Variants in WDR47 observed in about 807,000 individuals in gnomAD.
The protein encoded by WDR47 is WD repeat domain 47, also known as WD repeat-containing protein 47.
WDR47 carries 32 observed loss-of-function variants against 97.2 expected under a neutral mutation model. That is an observed-to-expected ratio of 0.33 (90% CI 0.25 to 0.44). The LOEUF (loss-of-function observed/expected upper bound fraction) is 0.44. Ranked by LOEUF, WDR47 falls within the 20% of genes least tolerant of loss-of-function variation. The pLI, the probability that WDR47 is intolerant of heterozygous loss-of-function variation, is 1.00. For missense variants in WDR47, 782 were observed against 1,102.3 expected, an observed-to-expected ratio of 0.71 and a Z score of 4.11; for synonymous variants, 375 against 373.5, an observed-to-expected ratio of 1.00 and a Z score of -0.05.
At chr1:108,979,481 C>T (rs531646689) in intron 13 of WDR47, among the ~76,000 whole-genome samples, 187 of 151,860 alleles carry the variant, frequency 1.2e-3, no homozygotes, top group Non-Finnish European at 2.1e-3. Flanking sequence ...GCCATGACTG[C>T]GACACTGCAT....
intron 5 of WDR47, among the ~76,000 whole-genome samples, chr1:109,006,223 CG>C (rs1660604247): frequency 1.3e-5 from 2 of 152,032 alleles, no homozygotes; most frequent in Non-Finnish European, 2.9e-5. Flanking sequence ...GGAAAAACCC[CG>C]TCTCTACTAA....
Position 109,010,970 on chromosome 1 carries a change from C to A in WDR47, c.1076G>T (p.Ser359Ile), listed in dbSNP as rs746099496. Residue 359 changes from serine to isoleucine, a missense_variant, in exon 5 of 15, where the codon AGT becomes ATT. Transcript: ENST00000369962. Reference protein sequence around the residue: ...HYPGVQNLSRSLMLENTECHS... With the variant: ...HYPGVQNLSRILMLENTECHS... Reference sequence around the variant, plus strand: ...ACATTCTGTATTCTCAAGCATGAGACTTCTACTGAGGTTTTGTACCCCTGG... The same window carrying A: ...ACATTCTGTATTCTCAAGCATGAGAATTCTACTGAGGTTTTGTACCCCTGG... The A allele has an allele frequency of 6.2e-7, 1 of 1,613,980 alleles. No homozygotes were observed. The highest frequency in any genetic ancestry group is 8.5e-7 in the Non-Finnish European group (1 of 1,180,026).
intron 13 of WDR47, among the ~76,000 whole-genome samples, chr1:108,977,904 A>G (rs796670153): frequency 3.9e-5 from 6 of 151,906 alleles, no homozygotes; most frequent in African/African-American, 1.4e-4. Context: ...GAATCACTTG[A>G]ACCTGGGAGA....
chr1:109,036,634 A>G (rs1186996663), intron 1 of WDR47, among the ~76,000 whole-genome samples: 5 of 151,782 alleles, frequency 3.3e-5, no homozygotes, highest in Non-Finnish European at 7.4e-5. Flanking sequence ...CAGCAGATCG[A>G]GACCATCCTG....
intron 2 of WDR47, among the ~76,000 whole-genome samples, chr1:109,018,392 C>T (rs1217937905): frequency 2.0e-5 from 3 of 149,934 alleles, no homozygotes; most frequent in Non-Finnish European, 3.0e-5. Context: ...GCCAAGATCA[C>T]GCCACTGCAC....
At chr1:108,982,559 G>A in intron 12 of WDR47, 50 bp downstream of exon 12, 1 of 1,537,902 alleles carries the variant, frequency 6.5e-7, no homozygotes, top group South Asian at 1.3e-5. Context: ...GGAAAAAAAA[G>A]CACAGATTGA....
At chr1:108,987,872 T>A (rs1444626184) in intron 9 of WDR47, among the ~76,000 whole-genome samples, 1 of 152,110 alleles carries the variant, frequency 6.6e-6, no homozygotes, top group Non-Finnish European at 1.5e-5. Flanking sequence ...CTATTTTTCA[T>A]TACTCATTGC....
chr1:108,971,616 T>C (rs759273902), intron 14 of WDR47, 44 bp from the exon 15 acceptor site: 2 of 1,607,790 alleles, frequency 1.2e-6, no homozygotes, highest in Admixed American at 1.7e-5. Flanking sequence ...AAAATAAGTA[T>C]ATGTATAGAT....
chr1:109,038,397 A>G (rs1225245888), intron 1 of WDR47, among the ~76,000 whole-genome samples: 1 of 152,200 alleles, frequency 6.6e-6, no homozygotes, highest in Non-Finnish European at 1.5e-5. Context: ...AAAAATATCG[A>G]GCCAGGTGCA....
At chr1:109,000,811 T>C (rs1660129573) in intron 7 of WDR47, among the ~76,000 whole-genome samples, 1 of 152,310 alleles carries the variant, frequency 6.6e-6, no homozygotes, top group Non-Finnish European at 1.5e-5. Flanking sequence ...ACTTCCAATA[T>C]TGTTGAATCA....
intron 10 of WDR47, 122 bp from the exon 11 acceptor site, chr1:108,983,573 A>T: frequency 1.3e-6 from 1 of 784,062 alleles, no homozygotes. Context: ...CAGCTTATTA[A>T]TAGTTTTCAA....
intron 13 of WDR47, among the ~76,000 whole-genome samples, chr1:108,977,041 C>T (rs188636317): frequency 1.1e-3 from 165 of 152,248 alleles, no homozygotes; most frequent in African/African-American, 3.8e-3. Context: ...AAAGGGAGCA[C>T]AAGTGAAAGT....
intron 5 of WDR47, among the ~76,000 whole-genome samples, chr1:109,006,642 A>C (rs1043973315): frequency 6.6e-6 from 1 of 152,242 alleles, no homozygotes; most frequent in East Asian, 1.9e-4. Flanking sequence ...TTTCACAAAG[A>C]GGTAACAGAC....
At chr1:108,990,091 G>A (rs1417211254) in intron 9 of WDR47, among the ~76,000 whole-genome samples, 1 of 152,122 alleles carries the variant, frequency 6.6e-6, no homozygotes, top group Non-Finnish European at 1.5e-5. Flanking sequence ...GTCAGGTGCA[G>A]TGCCTCCCAC....
chr1:109,017,661 GCAGAA>G (rs1661518011), intron 2 of WDR47, 60 bp from the exon 3 acceptor site: 1 of 1,327,946 alleles, frequency 7.5e-7, no homozygotes, highest in East Asian at 2.3e-5. Flanking sequence ...CTAATTAAAA[GCAGAA>G]CAGATGACAA....
At chr1:108,978,362 C>T (rs1013034041) in intron 13 of WDR47, among the ~76,000 whole-genome samples, 10 of 151,844 alleles carry the variant, frequency 6.6e-5, no homozygotes, top group African/African-American at 2.4e-4. Flanking sequence ...GCCTGTAGTC[C>T]CAGCTACTCA....
intron 9 of WDR47, among the ~76,000 whole-genome samples, chr1:108,988,080 A>G (rs1193770466): frequency 8.0e-6 from 1 of 124,460 alleles, no homozygotes; most frequent in Non-Finnish European, 1.6e-5. Context: ...TATAAAAATG[A>G]AAAAAAAAAA....
At chr1:109,028,825 T>A (rs1466303020) in intron 1 of WDR47, among the ~76,000 whole-genome samples, 1 of 152,160 alleles carries the variant, frequency 6.6e-6, no homozygotes, top group Non-Finnish European at 1.5e-5. Flanking sequence ...AATACATATA[T>A]AATTTACCAT....
At chr1:109,028,112 A>T (rs1007403110) in intron 1 of WDR47, among the ~76,000 whole-genome samples, 1 of 152,236 alleles carries the variant, frequency 6.6e-6, no homozygotes, top group African/African-American at 2.4e-5. Flanking sequence ...AATAAATATT[A>T]GCTGAATTAA....
Sources: allele counts gnomAD v4.1 joint callset (sites outside exome capture counted in the v4.1 genomes callset), GRCh38; gene constraint gnomAD v4.1.1; transcripts MANE v1.5; gene names NCBI Gene and HGNC (gene_info 2026-07-23, HGNC 2026-07-21).